The following CST8 variants were observed in gnomAD, a reference collection of about 807,000 sequenced individuals.
CST8 encodes cystatin-8.
A neutral mutation model predicts 11.8 loss-of-function variants in CST8; 20 were observed. That is an observed-to-expected ratio of 1.70 (90% CI 1.20 to 2.47). The LOEUF (loss-of-function observed/expected upper bound fraction) is 2.47. Among genes scored for constraint, CST8 ranks in the 30% most tolerant of loss-of-function variants. The pLI is 0.00. For synonymous variants in CST8, 77 were observed against 63.1 expected (o/e 1.22, Z -1.05); for missense variants, 196 against 167.2 (o/e 1.17, Z -0.95).
At chr20:23,496,988 C>T (rs1282953771), downstream of CST8, among the ~76,000 whole-genome samples, 1 of 152,174 alleles carries the variant, frequency 6.6e-6, no homozygotes, top group Non-Finnish European at 1.5e-5. Flanking sequence ...CACACATGCT[C>T]TACAGACAAT....
downstream of CST8, chr20:23,496,114 A>G: frequency 1.8e-6 from 1 of 561,280 alleles, no homozygotes; most frequent in Admixed American, 3.5e-5. Flanking sequence ...ACAGCCACGC[A>G]CCTTTGTTCA....
At chr20:23,496,536 G>C (rs1344140856), downstream of CST8, among the ~76,000 whole-genome samples, 1 of 152,194 alleles carries the variant, frequency 6.6e-6, no homozygotes, top group African/African-American at 2.4e-5. Context: ...TACAGGACTG[G>C]CGAGAAATTA....
the CST8 span, among the ~76,000 whole-genome samples, chr20:23,502,811 G>C: frequency 2.0e-5 from 3 of 152,196 alleles, no homozygotes; most frequent in Non-Finnish European, 4.4e-5. Context: ...TCTTCAGTAA[G>C]ACTCCGGAAT....
At chr20:23,496,973 T>C (rs1888985222), downstream of CST8, among the ~76,000 whole-genome samples, 1 of 152,204 alleles carries the variant, frequency 6.6e-6, no homozygotes, top group South Asian at 2.1e-4. Context: ...TTCATATTGT[T>C]CAAACACACA....
the CST8 span, among the ~76,000 whole-genome samples, chr20:23,506,228 A>G: frequency 2.6e-5 from 4 of 152,166 alleles, no homozygotes; most frequent in African/African-American, 9.7e-5. Flanking sequence ...CTTAGGGCTC[A>G]CTGGGAAACA....
chr20:23,506,333 C>G, the CST8 span, among the ~76,000 whole-genome samples: 1 of 152,150 alleles, frequency 6.6e-6, no homozygotes, highest in East Asian at 1.9e-4. Context: ...ACTCCTCCTT[C>G]AGGTGCAGGC....
chr20:23,500,033 C>T (rs965271733), downstream of CST8, among the ~76,000 whole-genome samples: 1 of 150,334 alleles, frequency 6.7e-6, no homozygotes. Context: ...ACAGAGAGGA[C>T]AGAGAGGAGA....
the CST8 span, among the ~76,000 whole-genome samples, chr20:23,506,644 A>T: frequency 6.6e-6 from 1 of 152,312 alleles, no homozygotes; most frequent in Admixed American, 6.5e-5. Flanking sequence ...GTAGCAAAAA[A>T]TAAAAAAATA....
chr20:23,491,634 A>G lies in CST8; in HGVS notation c.-34A>G, dbSNP rs1378966673. 1 of 1,535,882 alleles carries G rather than the reference A, an allele frequency of 6.5e-7. No homozygotes were observed. Among genetic ancestry groups the G allele is most frequent in the Non-Finnish European group, 9.0e-7 (1 of 1,109,804 alleles). On this transcript the variant is annotated 5_prime_UTR_variant, in exon 2 of 4. Coordinates refer to ENST00000246012, the MANE Select transcript of CST8 (RefSeq NM_005492.4). ...CAGCTCCAGCCCTGAGACGACGAGG[A>G]GGAGAGTCGACTTTGCCTCTTGCCC...
chr20:23,497,175 G>T (rs184419150), downstream of CST8, among the ~76,000 whole-genome samples: 157 of 152,340 alleles, frequency 1.0e-3, no homozygotes, highest in Non-Finnish European at 1.4e-3. Context: ...AGAGATTGCA[G>T]TAAAGACAGG....
intron 2 of CST8, 69 bp downstream of exon 2, chr20:23,491,967 T>A (rs1478928828): frequency 2.9e-5 from 36 of 1,257,764 alleles, no homozygotes; most frequent in Non-Finnish European, 4.2e-5. Context: ...ACTGAAAGAG[T>A]GGGCATATAA....
downstream of CST8, among the ~76,000 whole-genome samples, chr20:23,500,032 A>G (rs911184328): frequency 6.6e-6 from 1 of 151,618 alleles, no homozygotes; most frequent in East Asian, 1.9e-4. Context: ...AACAGAGAGG[A>G]CAGAGAGGAG....
the CST8 span, among the ~76,000 whole-genome samples, chr20:23,506,670 A>C: frequency 6.6e-6 from 1 of 152,270 alleles, no homozygotes; most frequent in East Asian, 1.9e-4. Flanking sequence ...TAATTTACAA[A>C]TCCTACATGC....
At chr20:23,503,844 G>T in the CST8 span, among the ~76,000 whole-genome samples, 4 of 152,170 alleles carry the variant, frequency 2.6e-5, no homozygotes, top group Admixed American at 2.0e-4. Flanking sequence ...TGCTGTCCTC[G>T]AAGGGAGGGA....
the CST8 span, among the ~76,000 whole-genome samples, chr20:23,503,167 T>C: frequency 6.6e-6 from 1 of 152,164 alleles, no homozygotes; most frequent in African/African-American, 2.4e-5. Flanking sequence ...TCAGGTAGCA[T>C]GCACAAATGC....
At position 23,495,913 on chromosome 20, in the gene CST8, A is replaced by C; in HGVS notation, c.428A>C (p.Ter143SerextTer11). ...TVMEKKCEDA[*>S] Reference sequence around the variant, plus strand: ...ATGGAGAAAAAGTGTGAAGATGCTTAATGGTGTTTTGAGGCATCCCTCCAA... The same window carrying C: ...ATGGAGAAAAAGTGTGAAGATGCTTCATGGTGTTTTGAGGCATCCCTCCAA... The change falls in exon 4 of 4, where the codon TAA (stop) becomes TCA (serine). Residue 143 changes from the stop codon to serine, a stop_lost. Coordinates refer to ENST00000246012, the MANE Select transcript of CST8 (RefSeq NM_005492.4). 1 of 1,608,634 alleles carries C rather than the reference A, an allele frequency of 6.2e-7. No individual in the cohort carries two copies. The highest frequency in any genetic ancestry group is 8.5e-7 in the Non-Finnish European group (1 of 1,177,688).
At chr20:23,492,862 A>G in intron 2 of CST8, 96 bp from the exon 3 acceptor site, 1 of 774,522 alleles carries the variant, frequency 1.3e-6, no homozygotes, top group Admixed American at 1.8e-5. Flanking sequence ...GGAAGGAAAG[A>G]GGAAAGGACG....
chr20:23,496,051 A>G, downstream of CST8: 1 of 665,244 alleles, frequency 1.5e-6, no homozygotes, highest in Non-Finnish European at 2.6e-6. Flanking sequence ...TTAGTTGCAT[A>G]TATGTGGGGA....
chr20:23,493,834 A>T (rs1987964011), intron 3 of CST8, among the ~76,000 whole-genome samples: 1 of 152,208 alleles, frequency 6.6e-6, no homozygotes, highest in Non-Finnish European at 1.5e-5. Flanking sequence ...AGCAGGCATC[A>T]CAATCACTTG....
Sources: allele counts gnomAD v4.1 joint callset (sites outside exome capture counted in the v4.1 genomes callset), GRCh38; gene constraint gnomAD v4.1.1; transcripts MANE v1.5; gene names NCBI Gene and HGNC (gene_info 2026-07-23, HGNC 2026-07-21).